CLHC1: variants seen among roughly 807,000 people sequenced by gnomAD.
The protein encoded by CLHC1 is clathrin heavy chain linker domain-containing protein 1.
A neutral mutation model predicts 69.5 loss-of-function variants in CLHC1; 72 were observed. The ratio of observed to expected loss-of-function variants is 1.04; its 90% CI spans 0.86 to 1.26. The LOEUF (loss-of-function observed/expected upper bound fraction) is 1.26, where lower values mean the gene tolerates loss of function less well. Among genes scored for constraint, CLHC1 ranks in the 50% most tolerant of loss-of-function variants. The pLI, the probability that CLHC1 is intolerant of heterozygous loss-of-function variation, is 0.00. For synonymous variants in CLHC1, 223 were observed against 224.3 expected (o/e 0.99, Z 0.05); for missense variants, 790 against 679.3 (o/e 1.16, Z -1.81).
chr2:55,188,211 G>A (rs997896882), intron 9 of CLHC1, among the ~76,000 whole-genome samples: 3 of 152,106 alleles, frequency 2.0e-5, no homozygotes, highest in African/African-American at 7.2e-5. Context: ...AATGACTAGA[G>A]ACGCTGAAGT....
chr2:55,218,220 A>G (rs910970228), intron 3 of CLHC1: 1 of 327,254 alleles, frequency 3.1e-6, no homozygotes, highest in African/African-American at 2.1e-5. Context: ...TGGAGTTTAA[A>G]TATGAGAGAA....
In CLHC1 at chr2:55,173,453, T is replaced by C. The variant is rs1573559981; in HGVS notation, c.*2337A>G. Among the ~76,000 whole-genome samples, 1 of 152,316 alleles carries C rather than the reference T, an allele frequency of 6.6e-6. No individual in the cohort carries two copies. The highest frequency in any genetic ancestry group is 1.9e-4 in the East Asian group (1 of 5,188). On this transcript the variant is annotated 3_prime_UTR_variant, in exon 13 of 13. Transcript: ENST00000401408. Reference sequence around the variant, plus strand: ...AATTTAGGCTGAAGGTCAAGAAGCATTGGGAAATAATTTGTACCTTTTCAG... The same window carrying C: ...AATTTAGGCTGAAGGTCAAGAAGCACTGGGAAATAATTTGTACCTTTTCAG...
chr2:55,227,611 G>T (rs1674833119), intron 2 of CLHC1, among the ~76,000 whole-genome samples: 1 of 150,962 alleles, frequency 6.6e-6, no homozygotes, highest in Non-Finnish European at 1.5e-5. Context: ...CCAGGAGGTG[G>T]AGGTTGCAGT....
Position 55,217,910 on chromosome 2 carries a change from C to T in CLHC1, c.266G>A (p.Arg89Gln), listed in dbSNP as rs201281232. Reference protein sequence around the residue: ...DAFIETIKKDRRTTFCLHGKL... With the variant: ...DAFIETIKKDQRTTFCLHGKL... ...TCCATGAAGACAAAATGTAGTTCTT[C>T]GGTCTTTCTTTATTGTCTCAATAAA... The change falls in exon 4 of 13, where the codon CGA becomes CAA. Residue 89 changes from arginine (R) to glutamine (Q), a missense_variant. Arg to Gln is a conservative substitution (Grantham distance 43). Coordinates refer to ENST00000401408, the MANE Select transcript of CLHC1 (RefSeq NM_152385.4). 9.4e-6 allele frequency: 15 copies of T among 1,602,128 alleles called. No individual in the cohort carries two copies. Among genetic ancestry groups the T allele is most frequent in the East Asian group, 4.6e-5 (2 of 43,906 alleles).
At chr2:55,223,132 G>T (rs1674318228) in intron 2 of CLHC1, among the ~76,000 whole-genome samples, 1 of 151,946 alleles carries the variant, frequency 6.6e-6, no homozygotes, top group Non-Finnish European at 1.5e-5. Flanking sequence ...TGTGTCATGT[G>T]GGAAAACTAA....
At chr2:55,180,981 C>G (rs886581808) in intron 10 of CLHC1, among the ~76,000 whole-genome samples, 3 of 151,022 alleles carry the variant, frequency 2.0e-5, no homozygotes, top group Non-Finnish European at 3.0e-5. Flanking sequence ...AAACTAAATG[C>G]ATATATATAT....
At chr2:55,188,360 A>G (rs1434894608) in intron 9 of CLHC1, among the ~76,000 whole-genome samples, 1 of 152,102 alleles carries the variant, frequency 6.6e-6, no homozygotes, top group African/African-American at 2.4e-5. Flanking sequence ...AAGATACTCA[A>G]TTTCACTGGT....
rs1231096111 is a variant in CLHC1 at position 55,216,445 on chromosome 2, T to C, written c.365+1366A>G. On this transcript the variant is annotated intron_variant, in intron 4 of 12. Coordinates refer to ENST00000401408, the MANE Select transcript of CLHC1 (RefSeq NM_152385.4). ...TGAATAACAGGATTAAGTGCTCTAA[T>C]TCAGATAGTAATCATGAAATTGTAC... 2.0e-5 allele frequency among the ~76,000 whole-genome samples: 3 copies of C among 152,324 alleles called. No homozygotes were observed. The East Asian group carries it at 5.8e-4, about 29-fold the overall frequency.
At chr2:55,193,743 T>TA (rs1394572726) in intron 9 of CLHC1, among the ~76,000 whole-genome samples, 1 of 152,168 alleles carries the variant, frequency 6.6e-6, no homozygotes, top group Non-Finnish European at 1.5e-5. Flanking sequence ...AGCTACCATA[T>TA]AATTTAGCTT....
intron 3 of CLHC1, among the ~76,000 whole-genome samples, chr2:55,219,070 C>T (rs1422073964): frequency 6.6e-6 from 1 of 152,188 alleles, no homozygotes; most frequent in Non-Finnish European, 1.5e-5. Flanking sequence ...GTCTTTTAGA[C>T]ATGACCTTAC....
chr2:55,183,227 A>G (rs544406009), intron 9 of CLHC1, among the ~76,000 whole-genome samples: 1 of 152,296 alleles, frequency 6.6e-6, no homozygotes, highest in South Asian at 2.1e-4. Context: ...TAAACAAGAG[A>G]TTGCAGTTTC....
intron 9 of CLHC1, among the ~76,000 whole-genome samples, chr2:55,189,783 T>G (rs1482973524): frequency 6.6e-6 from 1 of 152,174 alleles, no homozygotes; most frequent in Non-Finnish European, 1.5e-5. Flanking sequence ...GGGAAAGAAC[T>G]ATTCAGAAGG....
chr2:55,203,647 G>GA (rs1280603364), intron 9 of CLHC1, among the ~76,000 whole-genome samples: 1 of 152,032 alleles, frequency 6.6e-6, no homozygotes, highest in African/African-American at 2.4e-5. Flanking sequence ...TCTTGTCATA[G>GA]AAAAAACCAA....
Position 55,172,564 on chromosome 2 carries a change from A to G in CLHC1, c.*3226T>C. Among the ~76,000 whole-genome samples, 1 of 151,922 alleles carries G rather than the reference A, an allele frequency of 6.6e-6. No individual in the cohort carries two copies. Among genetic ancestry groups the G allele is most frequent in the Middle Eastern group, 3.2e-3 (1 of 316 alleles). The stretch of plus-strand genomic sequence containing the variant: ...ATAGTGTCTTTTTTATGTACCCAAT[A>G]TATTTTTATTCAAGAACACAACAAA... On this transcript the variant is annotated 3_prime_UTR_variant, in exon 13 of 13. Coordinates refer to ENST00000401408, the MANE Select transcript of CLHC1 (RefSeq NM_152385.4).
chr2:55,222,358 T>C lies in CLHC1; in HGVS notation c.54A>G (p.Arg18=). 6.2e-7 allele frequency: 1 copy of C among 1,613,964 alleles called. No individual in the cohort carries two copies. Among genetic ancestry groups the C allele is most frequent in the Non-Finnish European group, 8.5e-7 (1 of 1,179,930 alleles). The change falls in exon 3 of 13, where the codon AGA becomes AGG. Residue 18 remains arginine (R), a synonymous_variant. Transcript: ENST00000401408. ...KHAVLPPIIC[R]SDKEFLESVQ... is the part of the protein sequence containing the mutation. The stretch of plus-strand genomic sequence containing the variant: ...CACTTTCCAAAAATTCCTTGTCACT[T>C]CTACAAATGATAGGTGGGAGAACTG...
intron 4 of CLHC1, among the ~76,000 whole-genome samples, chr2:55,216,738 A>T (rs1298729629): frequency 6.6e-6 from 1 of 152,010 alleles, no homozygotes. Flanking sequence ...GCCCAGGCTG[A>T]TTTCAAACTC....
chr2:55,193,941 T>C (rs1022204646), intron 9 of CLHC1, among the ~76,000 whole-genome samples: 1 of 152,150 alleles, frequency 6.6e-6, no homozygotes, highest in East Asian at 1.9e-4. Context: ...TATTTAGCCA[T>C]ATAAAGAAAT....
chr2:55,230,415 T>C (rs1675180578), intron 1 of CLHC1, among the ~76,000 whole-genome samples: 1 of 152,152 alleles, frequency 6.6e-6, no homozygotes, highest in East Asian at 1.9e-4. Context: ...GGCCTGTCCA[T>C]TAGAGATGTT....
intron 9 of CLHC1, among the ~76,000 whole-genome samples, chr2:55,183,092 A>G (rs1670075178): frequency 6.6e-6 from 1 of 152,178 alleles, no homozygotes; most frequent in African/African-American, 2.4e-5. Context: ...CCCACTGTAA[A>G]GCTGCCTAGT....
Sources: gnomAD v4.1 joint callset for allele counts (sites outside exome capture counted in the v4.1 genomes callset) on GRCh38, gnomAD v4.1.1 for gene constraint, MANE v1.5 for transcripts, NCBI Gene and HGNC (gene_info 2026-07-23, HGNC 2026-07-21) for gene names.